The following ATL2 variants were observed in gnomAD, a reference collection of about 807,000 sequenced individuals.
ATL2 encodes the protein atlastin-2.
A neutral mutation model predicts 73.9 loss-of-function variants in ATL2; 31 were observed. The ratio of observed to expected loss-of-function variants is 0.42; its 90% CI spans 0.32 to 0.57. The LOEUF is 0.57. ATL2 is among the 20% of genes least tolerant of loss of function. The pLI, the probability that ATL2 is intolerant of heterozygous loss-of-function variation, is 0.14. For synonymous variants in ATL2, 291 were observed against 237.5 expected (o/e 1.23, Z -2.07); for missense variants, 738 against 702.6 (o/e 1.05, Z -0.57).
intron 2 of ATL2, among the ~76,000 whole-genome samples, chr2:38,337,661 G>T (rs570049336): frequency 1.1e-4 from 16 of 151,668 alleles, no homozygotes; most frequent in African/African-American, 7.2e-5. Context: ...TGATCACAGG[G>T]ATTTACTTCA....
intron 9 of ATL2, among the ~76,000 whole-genome samples, chr2:38,304,400 T>C (rs1573434538): frequency 6.6e-6 from 1 of 151,832 alleles, no homozygotes; most frequent in African/African-American, 2.4e-5. Flanking sequence ...TTAAAGAGAG[T>C]TCTTCAATCT....
At chr2:38,342,900 A>G (rs1229003063) in intron 2 of ATL2, among the ~76,000 whole-genome samples, 1 of 152,028 alleles carries the variant, frequency 6.6e-6, no homozygotes, top group African/African-American at 2.4e-5. Context: ...AAGTCCTATA[A>G]AGAATTATAT....
intron 1 of ATL2, among the ~76,000 whole-genome samples, chr2:38,366,942 G>C (rs576370506): frequency 6.6e-6 from 1 of 152,200 alleles, no homozygotes; most frequent in African/African-American, 2.4e-5. Context: ...ACCCTCAAGA[G>C]AAGAGATGAT....
intron 1 of ATL2, among the ~76,000 whole-genome samples, chr2:38,372,524 T>C (rs975256227): frequency 6.6e-6 from 1 of 152,156 alleles, no homozygotes; most frequent in African/African-American, 2.4e-5. Flanking sequence ...ACAACTGTAC[T>C]TGGAAACTGC....
intron 1 of ATL2, among the ~76,000 whole-genome samples, chr2:38,356,820 T>C (rs1472076062): frequency 7.7e-6 from 1 of 130,600 alleles, no homozygotes; most frequent in Non-Finnish European, 1.5e-5. Context: ...CAACCATTTC[T>C]ATACATGTTT....
rs781044136 is a variant in ATL2, at chr2:38,296,104, G to A, written c.1642C>T (p.Pro548Ser). Residue 548 changes from proline to serine, a missense_variant, in exon 13 of 13, where the codon CCC becomes TCC. Coordinates refer to ENST00000378954, the MANE Select transcript of ATL2 (RefSeq NM_001135673.4). ...TCCTCCATCAAATTATCACCCAGGG[G>A]CTTCAATACCTGTGGTATGAGAAAT... is the stretch of plus-strand genomic sequence containing the variant. ...AETLWEQVLK[P>S]LGDNLMEENI... 37 of 1,550,484 alleles carry A rather than the reference G, an allele frequency of 2.4e-5. No homozygotes were observed. In the South Asian group the frequency reaches 4.2e-4, roughly 17 times the overall value.
chr2:38,370,638 G>A (rs550515667), intron 1 of ATL2, among the ~76,000 whole-genome samples: 2 of 151,926 alleles, frequency 1.3e-5, no homozygotes, highest in Non-Finnish European at 2.9e-5. Context: ...GTGGTAGCGG[G>A]TGCCTGTAGT....
At chr2:38,338,897 G>A (rs951877598) in intron 2 of ATL2, among the ~76,000 whole-genome samples, 10 of 152,090 alleles carry the variant, frequency 6.6e-5, no homozygotes, top group Admixed American at 2.0e-4. Context: ...ATTGAGGAAC[G>A]TTCTTCAAAA....
Position 38,310,408 on chromosome 2 carries a change from T to G in ATL2, c.844A>C (p.Lys282Gln), listed in dbSNP as rs1300881407. The change falls in exon 8 of 13, where the codon AAG becomes CAG. Residue 282 changes from lysine to glutamine, a missense_variant. By Grantham distance (53) the Lys-to-Gln change is moderately conservative. Coordinates refer to ENST00000378954, the MANE Select transcript of ATL2 (RefSeq NM_001135673.4). ...NQHEELQNVR[K>Q]HIHNCFSNLG... is the part of the protein sequence containing the mutation. ...TTTGAGAAACAATTGTGTATGTGCT[T>G]CCTTACATTCTGAAGCTCTTCATGT... The G allele has an allele frequency of 6.2e-7, 1 of 1,610,756 alleles. No homozygotes were observed. The highest frequency in any genetic ancestry group is 1.7e-5 in the Admixed American group (1 of 59,168).
At chr2:38,324,590 C>A (rs995947188) in intron 2 of ATL2, among the ~76,000 whole-genome samples, 2 of 152,152 alleles carry the variant, frequency 1.3e-5, no homozygotes. Context: ...CATTCCCACC[C>A]CATGCCCAAC....
intron 2 of ATL2, among the ~76,000 whole-genome samples, chr2:38,321,569 T>A (rs992281984): frequency 4.6e-5 from 7 of 152,182 alleles, no homozygotes; most frequent in African/African-American, 1.2e-4. Flanking sequence ...TCCTGCTCTA[T>A]CCTCTAACCC....
chr2:38,325,637 C>CTATCT (rs1558411603), intron 2 of ATL2, among the ~76,000 whole-genome samples: 2 of 80,382 alleles, frequency 2.5e-5, no homozygotes, highest in African/African-American at 1.3e-4. Flanking sequence ...TACACACACA[C>CTATCT]ACACACACAC....
chr2:38,376,225 G>T (rs1021390064), intron 1 of ATL2: 1 of 1,483,040 alleles, frequency 6.7e-7, no homozygotes, highest in Non-Finnish European at 9.0e-7. Flanking sequence ...GCACCACAGT[G>T]AGAGATCAAA....
rs150340041 is a variant in ATL2, at chr2:38,329,867, G to A, written c.364-10848C>T. 2.8e-3 allele frequency among the ~76,000 whole-genome samples: 419 copies of A among 152,192 alleles called. 3 individuals carry two copies. The highest frequency in any genetic ancestry group is 9.5e-3 in the African/African-American group (394 of 41,534). ...AAATCAGCTGGGCATGGTGGCTCACGCCTGTAATCCCAACACTTTGGGAGG... is the reference window on the plus strand; with the variant it reads ...AAATCAGCTGGGCATGGTGGCTCACACCTGTAATCCCAACACTTTGGGAGG... On this transcript the variant is annotated intron_variant, in intron 2 of 12. Transcript: ENST00000378954.
chr2:38,368,040 T>C (rs1300955249), intron 1 of ATL2, among the ~76,000 whole-genome samples: 2 of 151,716 alleles, frequency 1.3e-5, no homozygotes, highest in Non-Finnish European at 2.9e-5. Context: ...GTTCACACCA[T>C]TCTCCTGCCT....
At chr2:38,346,074 C>T (rs1670000861) in intron 1 of ATL2, among the ~76,000 whole-genome samples, 1 of 152,242 alleles carries the variant, frequency 6.6e-6, no homozygotes, top group African/African-American at 2.4e-5. Context: ...CGTACTGACA[C>T]TGCCATCCAC....
At chr2:38,376,435 G>A (rs535456980) in intron 1 of ATL2, 8 of 334,820 alleles carry the variant, frequency 2.4e-5, no homozygotes, top group African/African-American at 4.2e-5. Flanking sequence ...TATCGTCCAA[G>A]TGACTCGTAA....
intron 9 of ATL2, among the ~76,000 whole-genome samples, chr2:38,303,636 G>A (rs1448234518): frequency 6.6e-6 from 1 of 151,996 alleles, no homozygotes; most frequent in African/African-American, 2.4e-5. Flanking sequence ...GCCCCAAAAG[G>A]GCAAATCTAA....
At chr2:38,315,818 TTC>T (rs1302918229) in intron 4 of ATL2, among the ~76,000 whole-genome samples, 1 of 152,188 alleles carries the variant, frequency 6.6e-6, no homozygotes, top group African/African-American at 2.4e-5. Flanking sequence ...TCTAGTGTGG[TTC>T]TCTTTTTACT....
Sources: gnomAD v4.1 joint callset for allele counts (sites outside exome capture counted in the v4.1 genomes callset) on GRCh38, gnomAD v4.1.1 for gene constraint, MANE v1.5 for transcripts, NCBI Gene and HGNC (gene_info 2026-07-23, HGNC 2026-07-21) for gene names.